The following PCDHGA4 variants were observed in gnomAD, a reference collection of about 807,000 sequenced individuals.
PCDHGA4 encodes protocadherin gamma subfamily A, 4, also known as protocadherin gamma-A4.
In PCDHGA4, 38 loss-of-function variants were observed where a neutral mutation model predicts 54.6. The ratio of observed to expected loss-of-function variants is 0.70; its 90% confidence interval spans 0.54 to 0.91. PCDHGA4 has a LOEUF of 0.91. Ranked by LOEUF, PCDHGA4 falls within the 40% of genes least tolerant of loss-of-function variation. The pLI is 0.00. For synonymous variants in PCDHGA4, 511 were observed against 512.9 expected, an observed-to-expected ratio of 1.00 and a Z score of 0.05; for missense variants, 1,298 against 1,220.9, an observed-to-expected ratio of 1.06 and a Z score of -0.94.
At chr5:141,413,658 T>G (rs2154544690) in intron 1 of PCDHGA4, 1 of 1,613,860 alleles carries the variant, frequency 6.2e-7, no homozygotes, top group East Asian at 2.2e-5. Flanking sequence ...TCCCGGAAGC[T>G]ATTGATCCGG....
intron 1 of PCDHGA4, among the ~76,000 whole-genome samples, chr5:141,373,138 T>A (rs1047353742): frequency 6.6e-6 from 1 of 152,246 alleles, no homozygotes; most frequent in South Asian, 2.1e-4. Flanking sequence ...TCCTCACAAT[T>A]AAGTGGTTTA....
chr5:141,456,446 T>C (rs1053843910), intron 1 of PCDHGA4, among the ~76,000 whole-genome samples: 2 of 151,782 alleles, frequency 1.3e-5, no homozygotes, highest in Admixed American at 1.3e-4. Context: ...GTATACAGAG[T>C]CCAAATATCA....
chr5:141,449,804 T>C (rs991937787), intron 1 of PCDHGA4, among the ~76,000 whole-genome samples: 2 of 151,676 alleles, frequency 1.3e-5, no homozygotes, highest in Non-Finnish European at 2.9e-5. Flanking sequence ...AAATACCTCA[T>C]TGTGTATTTC....
At chr5:141,473,635 C>A (rs945632106) in intron 1 of PCDHGA4, among the ~76,000 whole-genome samples, 1 of 152,128 alleles carries the variant, frequency 6.6e-6, no homozygotes, top group African/African-American at 2.4e-5. Flanking sequence ...AGCAGCTTTC[C>A]TGGCAAAGGA....
chr5:141,492,464 C>G (rs1595116794), intron 1 of PCDHGA4, among the ~76,000 whole-genome samples: 1 of 152,354 alleles, frequency 6.6e-6, no homozygotes, highest in Non-Finnish European at 1.5e-5. Context: ...GCCTGAGGGT[C>G]CCAGATCGCG....
chr5:141,374,569 G>A, intron 1 of PCDHGA4: 2 of 1,613,666 alleles, frequency 1.2e-6, no homozygotes, highest in African/African-American at 1.3e-5. Context: ...ACCCTGATGT[G>A]GGAATGAACT....
In PCDHGA4 at chr5:141,491,634, C is replaced by T; in HGVS notation, c.2515-3173C>T. On this transcript the variant is annotated intron_variant, in intron 1 of 3. Coordinates refer to ENST00000571252, the MANE Select transcript of PCDHGA4 (RefSeq NM_018917.4). This position sits in a 1 kb window ranked among gnomAD's most constrained non-coding sequence, Gnocchi z 6.9. ...TAAGACCCCTCAGCGTTCAGCAGCC[C>T]ACAGCTCTGGCGCTGGAGCCTGACG... 1 of 1,613,892 alleles carries T rather than the reference C, an allele frequency of 6.2e-7. No individual in the cohort carries two copies. Among genetic ancestry groups the T allele is most frequent in the South Asian group, 1.1e-5 (1 of 91,084 alleles).
chr5:141,383,562 C>T (rs1371686723), intron 1 of PCDHGA4: 2 of 1,613,098 alleles, frequency 1.2e-6, no homozygotes, highest in Non-Finnish European at 1.7e-6. Context: ...GCGACCCGCC[C>T]CGATCCAGCA....
chr5:141,397,372 G>C (rs1014875277), intron 1 of PCDHGA4, among the ~76,000 whole-genome samples: 1 of 152,012 alleles, frequency 6.6e-6, no homozygotes, highest in Non-Finnish European at 1.5e-5. Context: ...AGATGTTTGG[G>C]GATTGGTATA....
At position 141,487,270 on chromosome 5, in the gene PCDHGA4, A is replaced by T. The variant is rs777469322; in HGVS notation, c.2515-7537A>T. 6.2e-7 allele frequency: 1 copy of T among 1,614,046 alleles called. No homozygotes were observed. Among genetic ancestry groups the T allele is most frequent in the South Asian group, 1.1e-5 (1 of 91,076 alleles). On this transcript the variant is annotated intron_variant, in intron 1 of 3. Transcript: ENST00000571252. The surrounding 1 kb of genome is among the most constrained non-coding windows in gnomAD (Gnocchi z 5.0). ...TCTACTTGGCTGTGTCCCTAGTGGC[A>T]ATTTGCTTTGTCTCCTTTGGCTCAT... is the stretch of plus-strand genomic sequence containing the variant.
At chr5:141,462,833 A>G (rs1488609568) in intron 1 of PCDHGA4, among the ~76,000 whole-genome samples, 1 of 152,082 alleles carries the variant, frequency 6.6e-6, no homozygotes, top group Non-Finnish European at 1.5e-5. Flanking sequence ...GACATTGTAA[A>G]TGTTATATTT....
At chr5:141,401,976 G>A (rs1479930250) in intron 1 of PCDHGA4, among the ~76,000 whole-genome samples, 2 of 152,062 alleles carry the variant, frequency 1.3e-5, no homozygotes, top group Admixed American at 1.3e-4. Context: ...ATTGATGAAG[G>A]ATTAAAATAG....
Position 141,383,215 on chromosome 5 carries a change from T to C in PCDHGA4, c.2514+25594T>C, listed in dbSNP as rs375026409. ...TCAGAGTGCGCGGTGTCTGGTAAAC[T>C]TTAACATCCTGATGGAAGATAAAAT... On this transcript the variant is annotated intron_variant, in intron 1 of 3. Coordinates refer to ENST00000571252, the MANE Select transcript of PCDHGA4 (RefSeq NM_018917.4). The C allele has an allele frequency of 5.6e-6, 9 of 1,613,884 alleles. No individual in the cohort carries two copies. The African/African-American group carries it at 1.2e-4, about 22-fold the overall frequency.
In PCDHGA4 at chr5:141,476,742, G is replaced by C. The variant is rs1015622831; in HGVS notation, c.2515-18065G>C. 8.7e-6 allele frequency: 14 copies of C among 1,613,936 alleles called. No homozygotes were observed. Among genetic ancestry groups the C allele is most frequent in the Non-Finnish European group, 1.1e-5 (13 of 1,180,032 alleles). On this transcript the variant is annotated intron_variant, in intron 1 of 3. Transcript: ENST00000571252. The surrounding 1 kb of genome is among the most constrained non-coding windows in gnomAD (Gnocchi z 7.6). ...GCCCTGGACCGAGAACGGGAGCCTA[G>C]TCTCCAGTTAGTGCTGACGGCGTTG...
Position 141,485,582 on chromosome 5 carries a change from C to G in PCDHGA4, c.2515-9225C>G. The G allele has an allele frequency of 6.2e-7, 1 of 1,612,374 alleles. No individual in the cohort carries two copies. Among genetic ancestry groups the G allele is most frequent in the South Asian group, 1.1e-5 (1 of 90,956 alleles). On this transcript the variant is annotated intron_variant, in intron 1 of 3. Transcript: ENST00000571252. The surrounding 1 kb of genome is among the most constrained non-coding windows in gnomAD (Gnocchi z 5.7). ...TCACGCCCCCCGTTTTCCGCGGCAG[C>G]AGCTGGACTTGGAAATTGGGGAGGC...
Position 141,477,016 on chromosome 5 carries a change from A to G in PCDHGA4, c.2515-17791A>G, listed in dbSNP as rs2099403497. Reference sequence around the variant, plus strand: ...GGCAACTATTCGCCTTAGACCTTGTAACCGGGATGCTGACAATCAAGGGTC... The same window carrying G: ...GGCAACTATTCGCCTTAGACCTTGTGACCGGGATGCTGACAATCAAGGGTC... On this transcript the variant is annotated intron_variant, in intron 1 of 3. Transcript: ENST00000571252. The surrounding 1 kb of genome is among the most constrained non-coding windows in gnomAD (Gnocchi z 4.9). 4.3e-6 allele frequency: 7 copies of G among 1,614,130 alleles called. No homozygotes were observed. The highest frequency in any genetic ancestry group is 5.9e-6 in the Non-Finnish European group (7 of 1,180,050).
At chr5:141,391,561 G>A (rs2092390304) in intron 1 of PCDHGA4, 1 of 152,026 alleles carries the variant, frequency 6.6e-6, no homozygotes, top group Non-Finnish European at 1.5e-5. Context: ...TTTTCCATAT[G>A]CATAAGAAAA....
chr5:141,361,542 C>T, intron 1 of PCDHGA4: 5 of 1,614,054 alleles, frequency 3.1e-6, no homozygotes, highest in Non-Finnish European at 3.4e-6. Context: ...CTCCTGGCGC[C>T]TCTATCGCTC....
chr5:141,484,219 C>T (rs766309865), intron 1 of PCDHGA4, among the ~76,000 whole-genome samples: 1 of 152,162 alleles, frequency 6.6e-6, no homozygotes, highest in Non-Finnish European at 1.5e-5. Context: ...TAGCATTCTG[C>T]CAGGTAAAGA....
Sources: allele counts gnomAD v4.1 joint callset (sites outside exome capture counted in the v4.1 genomes callset), GRCh38; gene constraint gnomAD v4.1.1; non-coding constraint Gnocchi (gnomAD v3.1); transcripts MANE v1.5; gene names NCBI Gene and HGNC (gene_info 2026-07-23, HGNC 2026-07-21).